Variants in SLC26A8 observed in about 807,000 individuals in gnomAD.
SLC26A8 encodes the protein testis anion transporter 1.
A neutral mutation model predicts 105.0 loss-of-function variants in SLC26A8; 70 were observed. The observed-to-expected ratio is 0.67, with a 90% CI of 0.55 to 0.81. The LOEUF (loss-of-function observed/expected upper bound fraction) is 0.81, where lower values mean the gene tolerates loss of function less well. Ranked by LOEUF, SLC26A8 falls within the 40% of genes least tolerant of loss-of-function variation. SLC26A8 has a pLI of 0.00. For synonymous variants in SLC26A8, 415 were observed against 438.3 expected, an observed-to-expected ratio of 0.95 and a Z score of 0.66; for missense variants, 998 against 1,181.8, an observed-to-expected ratio of 0.84 and a Z score of 2.28.
At chr6:36,000,357 G>C (rs955403679) in intron 3 of SLC26A8, among the ~76,000 whole-genome samples, 1 of 152,022 alleles carries the variant, frequency 6.6e-6, no homozygotes, top group Admixed American at 6.6e-5. Flanking sequence ...ATCATTCACT[G>C]CAAGGTCTTA....
At chr6:35,954,542 T>G (rs1383849606) in intron 17 of SLC26A8, among the ~76,000 whole-genome samples, 1 of 152,194 alleles carries the variant, frequency 6.6e-6, no homozygotes, top group African/African-American at 2.4e-5. Flanking sequence ...TTACTGGGCG[T>G]GGCACAGATT....
intron 10 of SLC26A8, chr6:35,969,650 C>CCCTAAAATCCCAAGCAT (rs1206595092): frequency 1.8e-5 from 1 of 55,024 alleles, no homozygotes; most frequent in Non-Finnish European, 3.4e-5. Flanking sequence ...TCAGTGTCAG[C>CCCTAAAATCCCAAGCAT]CCTACTTCCC....
chr6:35,976,288 G>A (rs972587830), intron 9 of SLC26A8, among the ~76,000 whole-genome samples: 4 of 151,796 alleles, frequency 2.6e-5, no homozygotes, highest in African/African-American at 9.7e-5. Context: ...GCTGGGCATG[G>A]TGGTGAGCAT....
intron 7 of SLC26A8, among the ~76,000 whole-genome samples, chr6:35,987,911 C>CTTTT (rs34557500): frequency 7.6e-6 from 1 of 132,064 alleles, no homozygotes; most frequent in African/African-American, 2.8e-5. Flanking sequence ...ACCTTTCTTT[C>CTTTT]TTTTTTTTTT....
At chr6:35,977,448 T>TC in intron 8 of SLC26A8, 97 bp from the exon 9 acceptor site, 1 of 1,312,502 alleles carries the variant, frequency 7.6e-7, no homozygotes, top group Non-Finnish European at 1.0e-6. Flanking sequence ...GATTCTTTTT[T>TC]TTTTTTTTTT....
intron 11 of SLC26A8, among the ~76,000 whole-genome samples, chr6:35,968,605 G>GTATA (rs1554163661): frequency 2.0e-4 from 11 of 53,848 alleles, no homozygotes; most frequent in Admixed American, 6.7e-4. Flanking sequence ...GTGTGTGTGT[G>GTATA]TGTGTATATA....
chr6:35,995,629 C>T (rs1234380844), intron 5 of SLC26A8, among the ~76,000 whole-genome samples: 4 of 151,812 alleles, frequency 2.6e-5, no homozygotes, highest in African/African-American at 9.7e-5. Flanking sequence ...AAATAAGGAC[C>T]ATAGTAGTGT....
intron 3 of SLC26A8, among the ~76,000 whole-genome samples, chr6:36,010,449 A>G (rs1008355786): frequency 4.6e-5 from 7 of 152,098 alleles, no homozygotes; most frequent in Non-Finnish European, 1.0e-4. Flanking sequence ...TATGTGGCTT[A>G]AAAAGCATGG....
chr6:35,965,222 T>G (rs544726674), intron 11 of SLC26A8, among the ~76,000 whole-genome samples: 13 of 152,312 alleles, frequency 8.5e-5, no homozygotes, highest in Non-Finnish European at 1.9e-4. Context: ...GAATGACATT[T>G]TTATCTATTT....
intron 16 of SLC26A8, among the ~76,000 whole-genome samples, chr6:35,957,602 C>G (rs914835090): frequency 1.8e-4 from 24 of 135,450 alleles, no homozygotes; most frequent in South Asian, 2.3e-4. Flanking sequence ...TCTCTGAGAG[C>G]CACCTTTTTT....
chr6:35,944,545 A>T (rs978012453), intron 19 of SLC26A8, among the ~76,000 whole-genome samples: 17 of 148,030 alleles, frequency 1.1e-4, no homozygotes, highest in South Asian at 6.3e-4. Flanking sequence ...ATATAATAAT[A>T]ATAATTATTA....
intron 19 of SLC26A8, among the ~76,000 whole-genome samples, chr6:35,945,205 C>A (rs1771620684): frequency 6.6e-6 from 1 of 152,166 alleles, no homozygotes; most frequent in Non-Finnish European, 1.5e-5. Flanking sequence ...CCAATGACAT[C>A]ATCCATAAAT....
intron 19 of SLC26A8, among the ~76,000 whole-genome samples, chr6:35,950,209 GT>G (rs1404994616): frequency 6.6e-6 from 1 of 151,866 alleles, no homozygotes; most frequent in Non-Finnish European, 1.5e-5. Flanking sequence ...GTGCCCATCT[GT>G]TTTAATTTCC....
At chr6:36,000,163 A>G (rs1761479281) in intron 3 of SLC26A8, 55 bp from the exon 4 acceptor site, 2 of 1,110,024 alleles carry the variant, frequency 1.8e-6, no homozygotes, top group Non-Finnish European at 2.7e-6. Context: ...GTCACCTTAA[A>G]TAAAAACTGT....
chr6:36,014,701 G>A (rs113910993), intron 2 of SLC26A8, among the ~76,000 whole-genome samples: 6,939 of 152,036 alleles, frequency 0.046, 451 homozygotes, highest in African/African-American at 0.13. Flanking sequence ...CCAATATGGC[G>A]AAACCCCGTC....
At chr6:35,983,254 T>C (rs924243096) in intron 7 of SLC26A8, among the ~76,000 whole-genome samples, 3 of 152,186 alleles carry the variant, frequency 2.0e-5, no homozygotes, top group Non-Finnish European at 4.4e-5. Flanking sequence ...TCTTGGTTTT[T>C]ATATAATTAA....
At chr6:36,012,512 A>T (rs1020627425) in intron 2 of SLC26A8, 140 bp from the exon 3 acceptor site, 2 of 950,836 alleles carry the variant, frequency 2.1e-6, no homozygotes, top group African/African-American at 3.4e-5. Flanking sequence ...ATTGGACCAG[A>T]TAATTCTTTG....
In SLC26A8 at chr6:35,959,570, G is replaced by A; in HGVS notation, c.1753C>T (p.Leu585Phe). ...AAGCTGAAAATTTCTTCTTCTTTAA[G>A]AGGCACCTTTACCATATCAACCTGA... is the stretch of plus-strand genomic sequence containing the variant. Reference protein sequence around the residue: ...LKEVDMVKVPLKEEEIFSLFN... With the variant: ...LKEVDMVKVPFKEEEIFSLFN... Residue 585 changes from leucine (L) to phenylalanine (F), a missense_variant, in exon 16 of 20, where the codon CTT becomes TTT. By Grantham distance (22) the Leu-to-Phe change is conservative. Coordinates refer to ENST00000490799, the MANE Select transcript of SLC26A8 (RefSeq NM_052961.4). 1 of 1,613,744 alleles carries A rather than the reference G, an allele frequency of 6.2e-7. No homozygotes were observed. The highest frequency in any genetic ancestry group is 1.1e-5 in the South Asian group (1 of 90,968).
At chr6:36,010,766 T>C (rs1761834668) in intron 3 of SLC26A8, among the ~76,000 whole-genome samples, 1 of 152,068 alleles carries the variant, frequency 6.6e-6, no homozygotes, top group Non-Finnish European at 1.5e-5. Flanking sequence ...CTCAAACTCC[T>C]GATCTCAATC....
Sources: allele counts gnomAD v4.1 joint callset (sites outside exome capture counted in the v4.1 genomes callset), GRCh38; gene constraint gnomAD v4.1.1; transcripts MANE v1.5; gene names NCBI Gene and HGNC (gene_info 2026-07-23, HGNC 2026-07-21).